AFF3: variants seen among roughly 807,000 people sequenced by gnomAD.
The protein encoded by AFF3 is ALF transcription elongation factor 3.
AFF3 carries 32 observed loss-of-function variants against 129.7 expected under a neutral mutation model. The observed-to-expected ratio is 0.25, with a 90% CI of 0.19 to 0.33. The LOEUF (loss-of-function observed/expected upper bound fraction) is 0.33, where lower values mean the gene tolerates loss of function less well. AFF3 is among the 10% of genes least tolerant of loss of function. The pLI is 1.00. For missense variants in AFF3, 1,373 were observed against 1,592.0 expected (o/e 0.86, Z 2.34); for synonymous variants, 644 against 635.4 (o/e 1.01, Z -0.20).
chr2:100,045,710 A>G (rs1685779108), intron 4 of AFF3, among the ~76,000 whole-genome samples: 1 of 152,102 alleles, frequency 6.6e-6, no homozygotes, highest in Non-Finnish European at 1.5e-5. Flanking sequence ...TATACTCCAC[A>G]GGAAGATGGA....
chr2:99,742,710 T>TA (rs534507389), intron 10 of AFF3, among the ~76,000 whole-genome samples: 1 of 152,154 alleles, frequency 6.6e-6, no homozygotes, highest in Admixed American at 6.5e-5. Flanking sequence ...GCCAGGTGAT[T>TA]AAAAAATGAC....
chr2:99,880,736 G>A (rs1692647134), intron 7 of AFF3, among the ~76,000 whole-genome samples: 2 of 152,332 alleles, frequency 1.3e-5, no homozygotes, highest in South Asian at 4.1e-4. Context: ...GAATAATAGT[G>A]AGGGTGTGGG....
intron 4 of AFF3, among the ~76,000 whole-genome samples, chr2:100,066,384 C>T (rs780588971): frequency 6.6e-6 from 1 of 152,098 alleles, no homozygotes; most frequent in Non-Finnish European, 1.5e-5. Context: ...GAGCCAGTGA[C>T]GAATGAAGAC....
At chr2:100,135,502 C>A (rs1559140590) in intron 1 of AFF3, among the ~76,000 whole-genome samples, 1 of 152,012 alleles carries the variant, frequency 6.6e-6, no homozygotes, top group Non-Finnish European at 1.5e-5. Context: ...ACAGGGAGAG[C>A]CTGGGAGAAT....
chr2:99,875,100 G>C (rs115207388), intron 7 of AFF3, among the ~76,000 whole-genome samples: 2,034 of 152,258 alleles, frequency 0.013, 43 homozygotes, highest in African/African-American at 0.046. Context: ...TGAGTTTCTT[G>C]TGTCACTTAT....
intron 11 of AFF3, among the ~76,000 whole-genome samples, chr2:99,674,490 A>C (rs1687440154): frequency 6.6e-6 from 1 of 152,116 alleles, no homozygotes; most frequent in Non-Finnish European, 1.5e-5. Flanking sequence ...AATGAAAAAG[A>C]CCAGAGAAGG....
At chr2:99,847,062 AGT>A (rs1198222638) in intron 7 of AFF3, among the ~76,000 whole-genome samples, 3 of 152,196 alleles carry the variant, frequency 2.0e-5, no homozygotes, top group African/African-American at 7.2e-5. Flanking sequence ...GGAAAACATG[AGT>A]GAGAAACTGG....
intron 7 of AFF3, among the ~76,000 whole-genome samples, chr2:99,851,405 T>C (rs1383155486): frequency 1.3e-5 from 2 of 152,222 alleles, no homozygotes; most frequent in Non-Finnish European, 2.9e-5. Flanking sequence ...TTATTAAAAA[T>C]ATATTGTGTA....
rs1028857282 is a variant in AFF3 at position 99,933,542 on chromosome 2, G to A, written c.873+73090C>T. ...GACAGGGTGTGATGTTCCCCTTCCT[G>A]TGTCCATGTGTTCTCATTGTTCAGC... On this transcript the variant is annotated intron_variant, in intron 7 of 24. Transcript: ENST00000672756. 4.0e-5 allele frequency among the ~76,000 whole-genome samples: 6 copies of A among 151,590 alleles called. No individual in the cohort carries two copies. In the East Asian group the frequency reaches 1.2e-3, roughly 30 times the overall value.
chr2:99,588,736 C>T (rs533157110), intron 15 of AFF3, among the ~76,000 whole-genome samples: 5 of 152,244 alleles, frequency 3.3e-5, no homozygotes, highest in East Asian at 1.9e-4. Flanking sequence ...ACCAAAGCTC[C>T]GAGTTCTTAG....
intron 11 of AFF3, among the ~76,000 whole-genome samples, chr2:99,687,644 G>C (rs17716400): frequency 0.027 from 4,079 of 152,302 alleles, 98 homozygotes; most frequent in Non-Finnish European, 0.039. Flanking sequence ...AGGAAAGTAT[G>C]GGGCTTAGAG....
At chr2:99,661,017 C>A (rs894061449) in intron 12 of AFF3, among the ~76,000 whole-genome samples, 2 of 152,176 alleles carry the variant, frequency 1.3e-5, no homozygotes, top group Non-Finnish European at 2.9e-5. Flanking sequence ...TATATCTGGA[C>A]CAAACACCTG....
At chr2:99,959,792 A>T (rs895661327) in intron 7 of AFF3, among the ~76,000 whole-genome samples, 1 of 151,588 alleles carries the variant, frequency 6.6e-6, no homozygotes, top group African/African-American at 2.4e-5. Context: ...TTGTAAACAC[A>T]GCCCGCTCTT....
At chr2:100,063,340 T>C (rs973632048) in intron 4 of AFF3, among the ~76,000 whole-genome samples, 62 of 151,272 alleles carry the variant, frequency 4.1e-4, no homozygotes, top group African/African-American at 1.5e-3. Flanking sequence ...ACAACGTGAA[T>C]GTACTTAATA....
chr2:99,765,177 C>A (rs1682907871), intron 8 of AFF3, among the ~76,000 whole-genome samples: 1 of 152,206 alleles, frequency 6.6e-6, no homozygotes, highest in Non-Finnish European at 1.5e-5. Context: ...GCCTTCCTAA[C>A]AGACAAATAG....
chr2:100,006,262 C>G (rs902252622), intron 7 of AFF3: 1 of 165,814 alleles, frequency 6.0e-6, no homozygotes, highest in African/African-American at 2.4e-5. Context: ...GAAATTATAG[C>G]CTTTAAGTGC....
chr2:100,031,384 C>G (rs1684476340), intron 4 of AFF3, among the ~76,000 whole-genome samples: 1 of 152,172 alleles, frequency 6.6e-6, no homozygotes, highest in South Asian at 2.1e-4. Flanking sequence ...TCAGGATGAA[C>G]TCAGTAGCAT....
At chr2:99,838,506 G>A (rs1197053074) in intron 7 of AFF3, among the ~76,000 whole-genome samples, 4 of 151,930 alleles carry the variant, frequency 2.6e-5, no homozygotes, top group African/African-American at 9.7e-5. Context: ...GTCATCCTTC[G>A]AACAGCAGCT....
At chr2:99,822,797 C>T (rs1253590826) in intron 8 of AFF3, among the ~76,000 whole-genome samples, 1 of 152,168 alleles carries the variant, frequency 6.6e-6, no homozygotes, top group African/African-American at 2.4e-5. Context: ...AGCCAACCTC[C>T]AAAAGAGCTC....
Sources: gnomAD v4.1 joint callset for allele counts (sites outside exome capture counted in the v4.1 genomes callset) on GRCh38, gnomAD v4.1.1 for gene constraint, MANE v1.5 for transcripts, NCBI Gene and HGNC (gene_info 2026-07-23, HGNC 2026-07-21) for gene names.